Variants in INTS2 observed in about 807,000 individuals in gnomAD.
INTS2 encodes integrator complex subunit 2.
Under a neutral mutation model 139.6 loss-of-function variants are expected in INTS2, and 57 were observed. The ratio of observed to expected loss-of-function variants is 0.41; its 90% CI spans 0.33 to 0.51. INTS2 has a LOEUF of 0.51. Ranked by LOEUF, INTS2 falls within the 20% of genes least tolerant of loss-of-function variation. INTS2 has a pLI of 0.28. For synonymous variants in INTS2, 473 were observed against 493.4 expected (o/e 0.96, Z 0.55); for missense variants, 1,196 against 1,436.7 (o/e 0.83, Z 2.71).
At chr17:61,900,075 AT>A (rs1304596033) in intron 9 of INTS2, among the ~76,000 whole-genome samples, 1 of 152,248 alleles carries the variant, frequency 6.6e-6, no homozygotes, top group East Asian at 1.9e-4. Context: ...GCATAAACGC[AT>A]AAGATATTGA....
rs1287152210 is a variant in INTS2 at position 61,882,806 on chromosome 17, C to T, written c.2090-1635G>A. Among the ~76,000 whole-genome samples, 3 of 152,208 alleles carry T rather than the reference C, an allele frequency of 2.0e-5. No homozygotes were observed. The highest frequency in any genetic ancestry group is 6.5e-5 in the Admixed American group (1 of 15,286). ...GTACTACTATGCTAAGTGCTTCACACATAAGTACCTAATAAATATTGTTGC... is the reference window on the plus strand; with the variant it reads ...GTACTACTATGCTAAGTGCTTCACATATAAGTACCTAATAAATATTGTTGC... On this transcript the variant is annotated intron_variant, in intron 16 of 24. Coordinates refer to ENST00000251334, the MANE Select transcript of INTS2 (RefSeq NM_001351695.2). The surrounding 1 kb of genome is among the most constrained non-coding windows in gnomAD (Gnocchi z 4.7).
intron 5 of INTS2, among the ~76,000 whole-genome samples, chr17:61,914,620 G>A (rs556155263): frequency 2.0e-5 from 3 of 150,990 alleles, no homozygotes; most frequent in Admixed American, 6.6e-5. Context: ...GGAGAATGGC[G>A]TGAACACAGG....
At chr17:61,892,705 G>A (rs868239144) in intron 13 of INTS2, among the ~76,000 whole-genome samples, 86 of 151,850 alleles carry the variant, frequency 5.7e-4, no homozygotes, top group African/African-American at 2.0e-3. Flanking sequence ...AGCACTTTGG[G>A]AGGCCGAGGT....
chr17:61,894,697 C>G (rs900767220), intron 12 of INTS2, among the ~76,000 whole-genome samples: 2 of 151,932 alleles, frequency 1.3e-5, no homozygotes, highest in African/African-American at 4.8e-5. Context: ...ACTAAAAATA[C>G]AAAAATTAGG....
intron 15 of INTS2, among the ~76,000 whole-genome samples, chr17:61,886,842 GAAGT>G (rs2079233858): frequency 6.6e-6 from 1 of 152,310 alleles, no homozygotes; most frequent in Non-Finnish European, 1.5e-5. Flanking sequence ...TTAAGGACAA[GAAGT>G]ATGTAAGTGC....
intron 1 of INTS2, 93 bp downstream of exon 1, chr17:61,927,561 G>A (rs1268218964): frequency 1.6e-5 from 15 of 944,726 alleles, no homozygotes; most frequent in Non-Finnish European, 2.0e-5. Flanking sequence ...GGCGCAACTA[G>A]AACCAATAAG....
intron 9 of INTS2, among the ~76,000 whole-genome samples, chr17:61,902,937 C>A (rs113510104): frequency 0.031 from 4,588 of 148,978 alleles, 234 homozygotes; most frequent in African/African-American, 0.11. Context: ...GAGGCCGAGG[C>A]GGGTGGATCG....
intron 13 of INTS2, among the ~76,000 whole-genome samples, chr17:61,892,107 G>A (rs149878589): frequency 6.6e-6 from 1 of 152,148 alleles, no homozygotes; most frequent in Non-Finnish European, 1.5e-5. Flanking sequence ...AGCACTTACA[G>A]GAGACTTATC....
intron 16 of INTS2, among the ~76,000 whole-genome samples, chr17:61,883,579 G>A (rs2079197101): frequency 6.6e-6 from 1 of 151,708 alleles, no homozygotes; most frequent in South Asian, 2.1e-4. Context: ...GGCGAAATGA[G>A]GTCTCCACTA....
intron 16 of INTS2, among the ~76,000 whole-genome samples, chr17:61,883,288 T>C (rs1419287587): frequency 6.9e-6 from 1 of 145,262 alleles, no homozygotes; most frequent in East Asian, 2.0e-4. Context: ...TGAGTAGGGC[T>C]CTTCACTTGA....
intron 7 of INTS2, chr17:61,911,083 G>T: frequency 1.1e-5 from 2 of 180,662 alleles, no homozygotes; most frequent in East Asian, 1.4e-4. Context: ...TTGTTGTTTG[G>T]TTTTGGTTTT....
rs978320220 is a variant in INTS2, at chr17:61,882,813, A to C, written c.2090-1642T>G. ...TATGCTAAGTGCTTCACACATAAGT[A>C]CCTAATAAATATTGTTGCTACCATA... On this transcript the variant is annotated intron_variant, in intron 16 of 24. Coordinates refer to ENST00000251334, the MANE Select transcript of INTS2 (RefSeq NM_001351695.2). The surrounding 1 kb of genome is among the most constrained non-coding windows in gnomAD (Gnocchi z 4.7). 2.6e-5 allele frequency among the ~76,000 whole-genome samples: 4 copies of C among 152,254 alleles called. No homozygotes were observed. The highest frequency in any genetic ancestry group is 9.6e-5 in the African/African-American group (4 of 41,472).
intron 9 of INTS2, among the ~76,000 whole-genome samples, chr17:61,900,503 C>A (rs1016496022): frequency 1.3e-5 from 2 of 152,148 alleles, no homozygotes; most frequent in Non-Finnish European, 2.9e-5. Flanking sequence ...TATCTACCAG[C>A]CCTTAACCCT....
Position 61,907,581 on chromosome 17 carries a change from A to G in INTS2, c.1008T>C (p.Leu336=). The change falls in exon 8 of 25, where the codon CTT becomes CTC. Residue 336 remains leucine (L), a synonymous_variant. Transcript: ENST00000251334. Reference sequence around the variant, plus strand: ...TGGGAAGAATGCCCATCAACTCCAGAAGAAGCTGCCTTCTCATCTGCCAAA... The same window carrying G: ...TGGGAAGAATGCCCATCAACTCCAGGAGAAGCTGCCTTCTCATCTGCCAAA... The part of the protein sequence containing the change: ...SVLWQMRRQL[L]LELMGILPTV... 1 of 1,593,066 alleles carries G rather than the reference A, an allele frequency of 6.3e-7. No individual in the cohort carries two copies. The highest frequency in any genetic ancestry group is 8.6e-7 in the Non-Finnish European group (1 of 1,169,104).
chr17:61,924,744 G>A (rs554808716), intron 3 of INTS2, among the ~76,000 whole-genome samples: 268 of 152,186 alleles, frequency 1.8e-3, no homozygotes, highest in Admixed American at 5.1e-3. Flanking sequence ...CAGGAGAACC[G>A]TTTGAATCTG....
rs2079076542 is a variant in INTS2 at position 61,869,998 on chromosome 17, A to C, written c.2779-10T>G. On this transcript the variant is annotated splice_polypyrimidine_tract_variant and intron_variant, in intron 20 of 24. Transcript: ENST00000251334. The surrounding 1 kb of genome is among the most constrained non-coding windows in gnomAD (Gnocchi z 5.4). Reference sequence around the variant, plus strand: ...GGACAGCTGCACTATCCTATAAGCAAACAAAACATAGAAAAAGTAAGAAGT... The same window carrying C: ...GGACAGCTGCACTATCCTATAAGCACACAAAACATAGAAAAAGTAAGAAGT... 1 of 1,586,324 alleles carries C rather than the reference A, an allele frequency of 6.3e-7. No homozygotes were observed. The highest frequency in any genetic ancestry group is 8.6e-7 in the Non-Finnish European group (1 of 1,166,766).
intron 16 of INTS2, among the ~76,000 whole-genome samples, 185 bp downstream of exon 16, chr17:61,884,716 C>T (rs562573415): frequency 6.6e-6 from 1 of 152,054 alleles, no homozygotes; most frequent in South Asian, 2.1e-4. Flanking sequence ...GCTAGGGTTG[C>T]GTTTTAGGGG....
At position 61,919,485 on chromosome 17, in the gene INTS2, A is replaced by G. The variant is rs1488574283; in HGVS notation, c.564T>C (p.Asp188=). The part of the protein sequence containing the change: ...AELPSLLPIV[D]VAEALLHVRN... ...TAACATGTAGCAAAGCTTCAGCTAC[A>G]TCAACTATAGGGAGCAAGGAAGGGA... Residue 188 remains aspartate (D), a synonymous_variant, in exon 5 of 25, where the codon GAT becomes GAC. Transcript: ENST00000251334. 1 of 1,596,090 alleles carries G rather than the reference A, an allele frequency of 6.3e-7. No homozygotes were observed. Among genetic ancestry groups the G allele is most frequent in the Non-Finnish European group, 8.5e-7 (1 of 1,169,910 alleles).
chr17:61,879,157 T>G (rs2458795), intron 17 of INTS2, among the ~76,000 whole-genome samples: 1 of 143,916 alleles, frequency 6.9e-6, no homozygotes, highest in South Asian at 2.3e-4. Flanking sequence ...CGGCCTCAAG[T>G]GATCCTCCTG....
Sources: allele counts gnomAD v4.1 joint callset (sites outside exome capture counted in the v4.1 genomes callset), GRCh38; gene constraint gnomAD v4.1.1; non-coding constraint Gnocchi (gnomAD v3.1); transcripts MANE v1.5; gene names NCBI Gene and HGNC (gene_info 2026-07-23, HGNC 2026-07-21).